The following ZNF44 variants were observed in gnomAD, a reference collection of about 807,000 sequenced individuals.
The protein encoded by ZNF44 is zinc finger protein 44.
In ZNF44, 9 loss-of-function variants were observed where a neutral mutation model predicts 11.7. The observed-to-expected ratio is 0.77, with a 90% CI of 0.46 to 1.35. The LOEUF is 1.35. Ranked by LOEUF, ZNF44 falls within the 40% of genes most tolerant of loss-of-function variation. The pLI, the probability that ZNF44 is intolerant of heterozygous loss-of-function variation, is 0.00. For synonymous variants in ZNF44, 224 were observed against 242.7 expected (o/e 0.92, Z 0.72); for missense variants, 696 against 743.1 (o/e 0.94, Z 0.74).
Position 12,260,385 on chromosome 19 carries a change from G to A in ZNF44, c.1913-10017C>T. The A allele has an allele frequency of 3.6e-6, 5 of 1,389,886 alleles. No homozygotes were observed. The Admixed American group carries it at 6.0e-5, about 17-fold the overall frequency. 86.1% of individuals were successfully genotyped at this position (1,389,886 alleles called of 1,614,324 possible). On this transcript the variant is annotated intron_variant and NMD_transcript_variant, in intron 5 of 7. Transcript: ENST00000393337. ...GACCACCATCAACAAGAATGCTGGCGTCACGCTCAGCAGCATCAGACACAT... is the reference window on the plus strand; with the variant it reads ...GACCACCATCAACAAGAATGCTGGCATCACGCTCAGCAGCATCAGACACAT...
chr19:12,270,176 G>A (rs1351770842), downstream of ZNF44, among the ~76,000 whole-genome samples: 1 of 151,906 alleles, frequency 6.6e-6, no homozygotes, highest in Non-Finnish European at 1.5e-5. Flanking sequence ...AAATAACTAG[G>A]GTAAAATAGA....
chr19:12,244,662 G>A (rs1421158609), downstream of ZNF44: 5 of 152,560 alleles, frequency 3.3e-5, no homozygotes, highest in African/African-American at 4.8e-5. Context: ...CTGTAACCAT[G>A]TCTCCGATAA....
upstream of ZNF44, among the ~76,000 whole-genome samples, chr19:12,238,277 G>A (rs1916469698): frequency 6.6e-6 from 1 of 151,940 alleles, no homozygotes; most frequent in Non-Finnish European, 1.5e-5. Context: ...ATCACCTGAG[G>A]TCAGGAGTTT....
chr19:12,250,382 A>G (rs1344333700), intron 5 of ZNF44: 1 of 1,350,978 alleles, frequency 7.4e-7, no homozygotes, highest in South Asian at 1.2e-5. Flanking sequence ...AAACATTCCA[A>G]ATGTGTGTAA....
At position 12,249,899 on chromosome 19, in the gene ZNF44, GTTTC is replaced by G. The variant is rs1286374489; in HGVS notation, c.*186+75_*186+78del. 3.1e-5 allele frequency: 31 copies of G among 1,015,006 alleles called. No homozygotes were observed. The South Asian group carries it at 4.1e-4, about 14-fold the overall frequency. 62.9% of individuals were successfully genotyped at this position (1,015,006 alleles called of 1,614,324 possible). On this transcript the variant is annotated intron_variant and NMD_transcript_variant, in intron 7 of 7. Transcript: ENST00000393337. ...ATACATTTGAGGCTCAGCTTGTTTT[GTTTC>G]TTTAATTATCAAATTTAATGACATA...
At chr19:12,251,812 G>C (rs1917008911) in intron 5 of ZNF44, among the ~76,000 whole-genome samples, 2 of 152,130 alleles carry the variant, frequency 1.3e-5, no homozygotes, top group Admixed American at 6.5e-5. Context: ...AGCACTTTGG[G>C]GGGCCGAGGC....
chr19:12,235,610 T>C (rs565971506), intron 1 of ZNF44, among the ~76,000 whole-genome samples: 52 of 152,294 alleles, frequency 3.4e-4, no homozygotes, highest in South Asian at 2.5e-3. Context: ...AAAAGAATTA[T>C]ACACCACAGT....
At chr19:12,283,872 G>A (rs1967599492) in intron 1 of ZNF44, among the ~76,000 whole-genome samples, 1 of 152,182 alleles carries the variant, frequency 6.6e-6, no homozygotes, top group African/African-American at 2.4e-5. Flanking sequence ...AATTAGCCAA[G>A]TGTGGTGGCA....
At chr19:12,264,561 C>A (rs1917653151) in intron 5 of ZNF44, among the ~76,000 whole-genome samples, 1 of 152,052 alleles carries the variant, frequency 6.6e-6, no homozygotes, top group Non-Finnish European at 1.5e-5. Flanking sequence ...CAAAACAAAA[C>A]CCACAAATAT....
chr19:12,263,275 G>C (rs895467285), intron 5 of ZNF44, among the ~76,000 whole-genome samples: 2 of 151,702 alleles, frequency 1.3e-5, no homozygotes, highest in African/African-American at 4.8e-5. Context: ...TAGTAGAGAC[G>C]GGGTTTCTCC....
At chr19:12,228,472 T>C (rs1408905505) in intron 3 of ZNF44, among the ~76,000 whole-genome samples, 1 of 152,158 alleles carries the variant, frequency 6.6e-6, no homozygotes, top group Non-Finnish European at 1.5e-5. Flanking sequence ...AGCAGGCAAG[T>C]TGTACAGGTA....
chr19:12,237,568 G>T, exon 1 of ZNF44: 1 of 153,684 alleles, frequency 6.5e-6, no homozygotes, highest in South Asian at 1.8e-4. Context: ...TGAATTCAGT[G>T]GGTTAGGGGA....
chr19:12,278,713 T>G, intron 1 of ZNF44, among the ~76,000 whole-genome samples: 1 of 146,400 alleles, frequency 6.8e-6, no homozygotes. Flanking sequence ...AGTGAAAGAG[T>G]GACACTATTT....
intron 2 of ZNF44, among the ~76,000 whole-genome samples, chr19:12,234,270 C>G (rs1029321441): frequency 6.6e-6 from 1 of 152,072 alleles, no homozygotes; most frequent in Admixed American, 6.6e-5. Flanking sequence ...AGTTCTGTTT[C>G]CCTGTGAAGT....
upstream of ZNF44, among the ~76,000 whole-genome samples, chr19:12,238,653 G>C (rs1358341852): frequency 6.7e-6 from 1 of 148,908 alleles, no homozygotes; most frequent in African/African-American, 2.5e-5. Flanking sequence ...AAAAATAGCT[G>C]GGCATGGTGG....
At chr19:12,292,869 T>TG (rs1421094310) in intron 1 of ZNF44, among the ~76,000 whole-genome samples, 20,468 of 144,136 alleles carry the variant, frequency 0.14, 1,619 homozygotes, top group African/African-American at 0.17. Flanking sequence ...TTTTTTTTTT[T>TG]TTTTTTTTTT....
chr19:12,260,998 G>T (rs569845967), intron 5 of ZNF44, among the ~76,000 whole-genome samples: 1 of 152,320 alleles, frequency 6.6e-6, no homozygotes, highest in Admixed American at 6.5e-5. Context: ...ATGACAGTGG[G>T]TCTCACACAC....
chr19:12,226,123 T>G (rs568919469), downstream of ZNF44: 1 of 152,368 alleles, frequency 6.6e-6, no homozygotes, highest in East Asian at 1.9e-4. Flanking sequence ...CTGATTTTCT[T>G]TATTATACTT....
chr19:12,262,794 C>T (rs925902226), intron 5 of ZNF44, among the ~76,000 whole-genome samples: 3 of 152,056 alleles, frequency 2.0e-5, no homozygotes, highest in South Asian at 2.1e-4. Flanking sequence ...GCCAAAGAAA[C>T]GAAAATCCTA....
Sources: allele counts gnomAD v4.1 joint callset (sites outside exome capture counted in the v4.1 genomes callset), GRCh38; gene constraint gnomAD v4.1.1; transcripts MANE v1.5; gene names NCBI Gene and HGNC (gene_info 2026-07-23, HGNC 2026-07-21).